Variants in PDZD2 observed in about 807,000 individuals in gnomAD.
PDZD2 encodes the protein PDZ domain containing 2.
In PDZD2, 90 loss-of-function variants were observed where a neutral mutation model predicts 220.7. The ratio of observed to expected loss-of-function variants is 0.41; its 90% CI spans 0.34 to 0.49. The LOEUF is 0.49. Ranked by LOEUF, PDZD2 falls within the 20% of genes least tolerant of loss-of-function variation. The pLI is 0.28. For missense variants in PDZD2, 3,174 were observed against 3,608.5 expected, an observed-to-expected ratio of 0.88 and a Z score of 3.08; for synonymous variants, 1,375 against 1,450.5, an observed-to-expected ratio of 0.95 and a Z score of 1.18.
intron 1 of PDZD2, among the ~76,000 whole-genome samples, chr5:31,715,008 G>T (rs142606946): frequency 1.6e-4 from 24 of 150,154 alleles, no homozygotes; most frequent in Non-Finnish European, 3.2e-4. Flanking sequence ...ACAGTGAGCC[G>T]AGATCTCGCC....
At chr5:31,726,893 T>C (rs139687654) in intron 1 of PDZD2, among the ~76,000 whole-genome samples, 453 of 152,336 alleles carry the variant, frequency 3.0e-3, no homozygotes, top group African/African-American at 0.01. Flanking sequence ...CTTGTAGTTC[T>C]GCAGGCTTTA....
chr5:31,844,513 A>G (rs942654852), intron 2 of PDZD2, among the ~76,000 whole-genome samples: 15 of 152,242 alleles, frequency 9.9e-5, no homozygotes, highest in African/African-American at 3.1e-4. Context: ...CCAAGTGGTA[A>G]GGACTTGGTT....
intron 2 of PDZD2, among the ~76,000 whole-genome samples, chr5:31,850,214 G>A (rs1419731378): frequency 7.1e-5 from 6 of 84,234 alleles, no homozygotes; most frequent in African/African-American, 2.7e-4. Context: ...GTATATATGT[G>A]TATATATATA....
rs148982909 is a variant in PDZD2 at position 32,101,092 on chromosome 5, G to C, written c.8219-13G>C. ...CCCTGTCATTTTCATCTTGGTGCAC[G>C]CTGCGGCTGCAGGGAGAAGTGTGGC... On this transcript the variant is annotated splice_polypyrimidine_tract_variant and intron_variant, in intron 23 of 24. Transcript: ENST00000438447. The C allele has an allele frequency of 6.2e-7, 1 of 1,613,916 alleles. No individual in the cohort carries two copies. Among genetic ancestry groups the C allele is most frequent in the Non-Finnish European group, 8.5e-7 (1 of 1,179,908 alleles).
intron 2 of PDZD2, among the ~76,000 whole-genome samples, chr5:31,920,402 C>G (rs537806785): frequency 2.8e-4 from 39 of 137,278 alleles, no homozygotes; most frequent in African/African-American, 9.3e-4. Context: ...CCCCCCCCCC[C>G]ACTGGGGTGG....
chr5:32,014,936 T>C (rs12658552), intron 6 of PDZD2, among the ~76,000 whole-genome samples: 1 of 116,240 alleles, frequency 8.6e-6, no homozygotes, highest in African/African-American at 3.6e-5. Context: ...TCTCAATCTC[T>C]CTCTTTTTTT....
chr5:32,010,501 C>T lies in PDZD2; in HGVS notation c.1407+19C>T, dbSNP rs1448872114. ...GAGAGCAGTAAGTGGCTCTGTGCTC[C>T]TGGCTTTCTGTTGGAATTACTTTTT... On this transcript the variant is annotated intron_variant, in intron 6 of 24. Coordinates refer to ENST00000438447, the MANE Select transcript of PDZD2 (RefSeq NM_178140.4). 6.3e-7 allele frequency: 1 copy of T among 1,588,054 alleles called. No individual in the cohort carries two copies. The highest frequency in any genetic ancestry group is 8.6e-7 in the Non-Finnish European group (1 of 1,159,374).
intron 2 of PDZD2, among the ~76,000 whole-genome samples, chr5:31,902,425 C>T (rs1742183955): frequency 6.7e-6 from 1 of 150,268 alleles, no homozygotes; most frequent in Non-Finnish European, 1.5e-5. Flanking sequence ...TAGCCTGTTA[C>T]TCAGTTGGAT....
chr5:32,076,828 C>T lies in PDZD2; in HGVS notation c.3538-634C>T, dbSNP rs914348918. On this transcript the variant is annotated intron_variant, in intron 18 of 24. Coordinates refer to ENST00000438447, the MANE Select transcript of PDZD2 (RefSeq NM_178140.4). ...TAGGTTTCCCTCAGCTGGTAACTGA[C>T]ATTTTATGAAAAGATTTCTTACCAA... Among the ~76,000 whole-genome samples, 4 of 152,320 alleles carry T rather than the reference C, an allele frequency of 2.6e-5. No homozygotes were observed. The South Asian group carries it at 8.3e-4, about 32-fold the overall frequency.
chr5:32,077,231 G>T (rs1392296717), intron 18 of PDZD2, among the ~76,000 whole-genome samples: 1 of 151,248 alleles, frequency 6.6e-6, no homozygotes, highest in East Asian at 2.0e-4. Flanking sequence ...GAGTAAGACT[G>T]GGAATGTTTT....
chr5:31,643,781 A>C (rs1336390139), intron 1 of PDZD2, among the ~76,000 whole-genome samples: 1 of 152,148 alleles, frequency 6.6e-6, no homozygotes, highest in African/African-American at 2.4e-5. Context: ...ACTAAACACT[A>C]AGTAGATATG....
At chr5:31,780,328 C>T (rs1417161947) in intron 1 of PDZD2, among the ~76,000 whole-genome samples, 1 of 152,064 alleles carries the variant, frequency 6.6e-6, no homozygotes, top group Admixed American at 6.6e-5. Context: ...GCTTCAGCCT[C>T]TGCCTTTGCT....
chr5:31,987,769 G>A (rs1460090108), intron 3 of PDZD2, among the ~76,000 whole-genome samples: 2 of 152,126 alleles, frequency 1.3e-5, no homozygotes, highest in African/African-American at 4.8e-5. Context: ...GATTCATTGG[G>A]GGTGACCAAC....
At chr5:31,644,981 G>T (rs2150102803) in intron 1 of PDZD2, among the ~76,000 whole-genome samples, 1 of 152,252 alleles carries the variant, frequency 6.6e-6, no homozygotes, top group South Asian at 2.1e-4. Context: ...GATTAATTTT[G>T]CACACACAAT....
At chr5:31,670,374 G>A (rs1458748124) in intron 1 of PDZD2, among the ~76,000 whole-genome samples, 1 of 152,096 alleles carries the variant, frequency 6.6e-6, no homozygotes. Context: ...AACATTGGGG[G>A]TTCAGCACTG....
At chr5:31,893,407 C>CT (rs1741241506) in intron 2 of PDZD2, among the ~76,000 whole-genome samples, 1 of 152,006 alleles carries the variant, frequency 6.6e-6, no homozygotes, top group African/African-American at 2.4e-5. Flanking sequence ...CCCGTCTCTA[C>CT]AAAAAACAAA....
At chr5:31,872,357 A>G (rs1450982670) in intron 2 of PDZD2, among the ~76,000 whole-genome samples, 2 of 152,184 alleles carry the variant, frequency 1.3e-5, no homozygotes, top group African/African-American at 4.8e-5. Context: ...TCACTTCTCT[A>G]GCTCTTCTTC....
chr5:32,070,937 A>T (rs1740685416), intron 15 of PDZD2, among the ~76,000 whole-genome samples: 1 of 110,408 alleles, frequency 9.1e-6, no homozygotes, highest in South Asian at 2.8e-4. Context: ...ATGCCATTGC[A>T]CTCCAGCCTG....
intron 13 of PDZD2, 56 bp downstream of exon 13, chr5:32,059,412 A>G (rs1239212737): frequency 1.2e-6 from 1 of 853,466 alleles, no homozygotes. Context: ...TATGAAATAT[A>G]CACGTGTGAT....
Sources: allele counts gnomAD v4.1 joint callset (sites outside exome capture counted in the v4.1 genomes callset), GRCh38; gene constraint gnomAD v4.1.1; transcripts MANE v1.5; gene names NCBI Gene and HGNC (gene_info 2026-07-23, HGNC 2026-07-21).